SPATA6L: variants seen among roughly 807,000 people sequenced by gnomAD.
SPATA6L encodes spermatogenesis associated 6 like, also known as spermatogenesis associated 6-like protein.
SPATA6L carries 68 observed loss-of-function variants against 49.2 expected under a neutral mutation model. The observed-to-expected ratio is 1.38, with a 90% CI of 1.14 to 1.69. The LOEUF is 1.69. SPATA6L is among the 40% of genes most tolerant of loss of function. The pLI is 0.00. For missense variants in SPATA6L, 668 were observed against 464.3 expected (o/e 1.44, Z -4.03); for synonymous variants, 198 against 165.7 (o/e 1.19, Z -1.50).
chr9:4,637,532 G>C (rs1464106319), intron 3 of SPATA6L, among the ~76,000 whole-genome samples: 1 of 152,216 alleles, frequency 6.6e-6, no homozygotes, highest in East Asian at 1.9e-4. Context: ...GCTGTCCCTA[G>C]AAAGGTGTGA....
chr9:4,638,203 AATTATT>A (rs376286945), intron 3 of SPATA6L, among the ~76,000 whole-genome samples: 1 of 121,120 alleles, frequency 8.3e-6, no homozygotes, highest in Non-Finnish European at 1.6e-5. Context: ...AGATGGGTGT[AATTATT>A]ATTATTATTA....
At chr9:4,593,806 A>T (rs562943774), downstream of SPATA6L, among the ~76,000 whole-genome samples, 12 of 152,150 alleles carry the variant, frequency 7.9e-5, no homozygotes, top group East Asian at 2.1e-3. Flanking sequence ...ACCGTTTTCC[A>T]CCACTCTTCC....
intron 11 of SPATA6L, among the ~76,000 whole-genome samples, chr9:4,601,304 G>A (rs1387410603): frequency 2.0e-5 from 3 of 151,328 alleles, no homozygotes; most frequent in African/African-American, 7.3e-5. Context: ...TGGGGGCCGG[G>A]ATTTCACGGC....
intron 11 of SPATA6L, 44 bp downstream of exon 11, chr9:4,604,135 G>T: frequency 7.5e-7 from 1 of 1,324,516 alleles, no homozygotes; most frequent in South Asian, 1.3e-5. Flanking sequence ...AGCAAACCAA[G>T]ATAAGGAGAA....
intron 9 of SPATA6L, among the ~76,000 whole-genome samples, chr9:4,611,806 G>T (rs907121991): frequency 9.9e-5 from 15 of 151,080 alleles, no homozygotes; most frequent in African/African-American, 3.7e-4. Context: ...AATAATAAAA[G>T]AAAAAAAAAT....
In SPATA6L at chr9:4,662,178, G is replaced by T; in HGVS notation, c.40-142C>A. On this transcript the variant is annotated intron_variant, in intron 1 of 11. Coordinates refer to ENST00000682582, the MANE Select transcript of SPATA6L (RefSeq NM_001353486.2). The surrounding 1 kb of genome is among the most constrained non-coding windows in gnomAD (Gnocchi z 4.9). ...CACTCCCTCACCTGTACCTCCCAAC[G>T]CCAACATCCTCCCCTCTGCTCTCCT... 6.9e-7 allele frequency: 1 copy of T among 1,449,234 alleles called. No individual in the cohort carries two copies. Among genetic ancestry groups the T allele is most frequent in the South Asian group, 1.4e-5 (1 of 69,602 alleles). 89.8% of individuals were successfully genotyped at this position (1,449,234 alleles called of 1,614,324 possible).
chr9:4,605,835 G>T (rs544504114), intron 9 of SPATA6L, among the ~76,000 whole-genome samples: 75 of 152,274 alleles, frequency 4.9e-4, no homozygotes, highest in African/African-American at 1.6e-3. Flanking sequence ...GAACAGCTCC[G>T]GTCTCCAGCT....
In SPATA6L at chr9:4,599,852, C is replaced by T. The variant is rs1822795814; in HGVS notation, c.*959G>A. On this transcript the variant is annotated 3_prime_UTR_variant, in exon 12 of 12. Transcript: ENST00000682582. ...CACAAACATTCACACTATAGTAGGG[C>T]TGGTAGAGGAAAATGCTATGCTTAC... Among the ~76,000 whole-genome samples the T allele has an allele frequency of 6.6e-6, 1 of 152,126 alleles. No homozygotes were observed. The highest frequency in any genetic ancestry group is 2.4e-5 in the African/African-American group (1 of 41,424).
At chr9:4,658,387 C>G (rs1838796041) in intron 2 of SPATA6L, among the ~76,000 whole-genome samples, 1 of 152,192 alleles carries the variant, frequency 6.6e-6, no homozygotes, top group South Asian at 2.1e-4. Context: ...TTTTCACTAC[C>G]TGCTGAAAGT....
rs1023944188 is a variant in SPATA6L at position 4,606,938 on chromosome 9, G to C, written c.996-1498C>G. The stretch of plus-strand genomic sequence containing the variant: ...GTATAACTAGAATAATCAATACAGA[G>C]AAGTGCTTAAAGGAGCTGATGGAGC... On this transcript the variant is annotated intron_variant, in intron 9 of 11. Coordinates refer to ENST00000682582, the MANE Select transcript of SPATA6L (RefSeq NM_001353486.2). 6.9e-5 allele frequency among the ~76,000 whole-genome samples: 10 copies of C among 144,928 alleles called. 1 individual carries two copies. Among genetic ancestry groups the C allele is most frequent in the African/African-American group, 2.2e-4 (8 of 36,196 alleles).
intron 2 of SPATA6L, among the ~76,000 whole-genome samples, chr9:4,657,441 T>C (rs1272475075): frequency 2.6e-5 from 4 of 152,012 alleles, no homozygotes; most frequent in Non-Finnish European, 5.9e-5. Context: ...CAGATAAAAT[T>C]ACTTAAATTA....
intron 3 of SPATA6L, among the ~76,000 whole-genome samples, chr9:4,640,158 G>A (rs1020858047): frequency 2.6e-5 from 4 of 152,318 alleles, no homozygotes; most frequent in African/African-American, 7.2e-5. Context: ...TACCCAAAGC[G>A]AAGGTATTTA....
chr9:4,647,716 G>C (rs1029359546), intron 3 of SPATA6L, among the ~76,000 whole-genome samples: 2 of 151,674 alleles, frequency 1.3e-5, no homozygotes, highest in African/African-American at 4.8e-5. Context: ...ATAAGGACAA[G>C]AATAAAATTC....
chr9:4,641,362 C>T (rs191198463), intron 3 of SPATA6L, among the ~76,000 whole-genome samples: 2 of 151,562 alleles, frequency 1.3e-5, no homozygotes, highest in East Asian at 1.9e-4. Flanking sequence ...GGTGTAGTTG[C>T]GGTGAGTTGG....
At chr9:4,643,433 A>G (rs1834500174) in intron 3 of SPATA6L, among the ~76,000 whole-genome samples, 1 of 152,218 alleles carries the variant, frequency 6.6e-6, no homozygotes, top group Admixed American at 6.5e-5. Flanking sequence ...CCAGTTTAAA[A>G]GGCATGGTTC....
chr9:4,652,476 A>G (rs1837132839), intron 3 of SPATA6L, among the ~76,000 whole-genome samples: 1 of 152,222 alleles, frequency 6.6e-6, no homozygotes, highest in South Asian at 2.1e-4. Flanking sequence ...TTCCACTTAC[A>G]ACAGCTTCAG....
intron 9 of SPATA6L, among the ~76,000 whole-genome samples, chr9:4,609,933 G>A (rs1176984249): frequency 6.6e-6 from 1 of 151,998 alleles, no homozygotes; most frequent in Non-Finnish European, 1.5e-5. Context: ...AAGCTGATAA[G>A]CAACTTCAGC....
intron 3 of SPATA6L, among the ~76,000 whole-genome samples, chr9:4,644,390 C>T (rs1587373341): frequency 6.6e-6 from 1 of 150,850 alleles, no homozygotes; most frequent in African/African-American, 2.4e-5. Flanking sequence ...ATTTAAACAA[C>T]AATATAATGG....
intron 2 of SPATA6L, among the ~76,000 whole-genome samples, chr9:4,658,667 G>C (rs1040724714): frequency 2.0e-5 from 3 of 152,040 alleles, no homozygotes; most frequent in Admixed American, 6.6e-5. Context: ...CTACAGTTTT[G>C]TATCTTTGGG....
Sources: allele counts gnomAD v4.1 joint callset (sites outside exome capture counted in the v4.1 genomes callset), GRCh38; gene constraint gnomAD v4.1.1; non-coding constraint Gnocchi (gnomAD v3.1); transcripts MANE v1.5; gene names NCBI Gene and HGNC (gene_info 2026-07-23, HGNC 2026-07-21).